The following PIBF1 variants were observed in gnomAD, a reference collection of about 807,000 sequenced individuals.
PIBF1 encodes the protein progesterone-induced-blocking factor 1.
A neutral mutation model predicts 112.5 loss-of-function variants in PIBF1; 90 were observed. The ratio of observed to expected loss-of-function variants is 0.80; its 90% confidence interval spans 0.67 to 0.95. The LOEUF is 0.95. Among genes scored for constraint, PIBF1 ranks in the 40% least tolerant of loss-of-function variants. The pLI is 0.00. For synonymous variants in PIBF1, 301 were observed against 288.6 expected (o/e 1.04, Z -0.44); for missense variants, 915 against 852.3 (o/e 1.07, Z -0.92).
chr13:72,986,676 CTTTTTTTTTTTT>C (rs765529786), intron 16 of PIBF1, among the ~76,000 whole-genome samples: 1 of 89,006 alleles, frequency 1.1e-5, no homozygotes. Context: ...TTTCTGTCAT[CTTTTTTTTTTTT>C]TTTTTTTTTT....
Position 72,954,297 on chromosome 13 carries a change from C to T in PIBF1, c.1834-10977C>T, listed in dbSNP as rs993663397. Reference sequence around the variant, plus strand: ...AAGCCTTCCTGCCAGCGATAGAAACCAGGCTTTCAGGCCATGCCCCTCCCT... The same window carrying T: ...AAGCCTTCCTGCCAGCGATAGAAACTAGGCTTTCAGGCCATGCCCCTCCCT... On this transcript the variant is annotated intron_variant, in intron 14 of 17. Coordinates refer to ENST00000326291, the MANE Select transcript of PIBF1 (RefSeq NM_006346.4). Among the ~76,000 whole-genome samples the T allele has an allele frequency of 7.2e-5, 11 of 152,242 alleles. 1 individual carries two copies. The highest frequency in any genetic ancestry group is 4.1e-4 in the South Asian group (2 of 4,834).
At chr13:72,816,929 A>T (rs2036302270) in intron 5 of PIBF1, among the ~76,000 whole-genome samples, 1 of 152,162 alleles carries the variant, frequency 6.6e-6, no homozygotes, top group Non-Finnish European at 1.5e-5. Context: ...ATTGTGGCTT[A>T]TAAAGGGACA....
Position 73,004,489 on chromosome 13 carries a change from C to CAA in PIBF1, c.2223+5508_2223+5509dup, listed in dbSNP as rs56073630. 9.5e-4 allele frequency among the ~76,000 whole-genome samples: 130 copies of CAA among 136,884 alleles called. 1 individual carries two copies. The highest frequency in any genetic ancestry group is 4.0e-3 in the Middle Eastern group (1 of 250). 89.8% of individuals were successfully genotyped at this position (136,884 alleles called of 152,430 possible). A position where few individuals can be genotyped will look rare whatever the true frequency, so the allele number is the denominator to read the frequency against. ...CTGTGTGAAGAGCGAGATTCTGTCT[C>CAA]AAAAAAAAAAAAAAAGAAAGAAAAG... is the stretch of plus-strand genomic sequence containing the variant. On this transcript the variant is annotated intron_variant, in intron 17 of 17. Transcript: ENST00000326291.
At chr13:72,967,883 T>C (rs1438379641) in intron 15 of PIBF1, among the ~76,000 whole-genome samples, 3 of 152,084 alleles carry the variant, frequency 2.0e-5, no homozygotes, top group African/African-American at 7.2e-5. Context: ...CTTTCTATAA[T>C]GATAAAAATA....
intron 17 of PIBF1, among the ~76,000 whole-genome samples, chr13:73,010,129 T>C (rs2044148743): frequency 6.6e-6 from 1 of 152,154 alleles, no homozygotes; most frequent in South Asian, 2.1e-4. Context: ...GGAGTCACAG[T>C]TGAGAAAACA....
intron 16 of PIBF1, among the ~76,000 whole-genome samples, chr13:72,990,467 G>C (rs2043439853): frequency 6.8e-6 from 1 of 147,706 alleles, no homozygotes; most frequent in African/African-American, 2.5e-5. Flanking sequence ...GTTGCAGTGA[G>C]CCAAGATCGT....
chr13:72,898,693 A>T (rs9543169), intron 11 of PIBF1, among the ~76,000 whole-genome samples: 15,565 of 150,720 alleles, frequency 0.1, 1,092 homozygotes, highest in Non-Finnish European at 0.15. Flanking sequence ...AAAAAAAAAA[A>T]AAAAATAAAG....
At chr13:72,967,268 C>T (rs568762305) in intron 15 of PIBF1, among the ~76,000 whole-genome samples, 8 of 152,108 alleles carry the variant, frequency 5.3e-5, no homozygotes, top group Non-Finnish European at 8.8e-5. Context: ...CTTATTTTAC[C>T]ATTATTTCTT....
chr13:72,956,328 C>T (rs1258743613), intron 14 of PIBF1, among the ~76,000 whole-genome samples: 1 of 152,054 alleles, frequency 6.6e-6, no homozygotes, highest in Non-Finnish European at 1.5e-5. Context: ...TTAGTACCCC[C>T]TTCAAAGTAT....
chr13:72,869,874 G>A (rs1381541560), intron 10 of PIBF1, among the ~76,000 whole-genome samples: 2 of 151,720 alleles, frequency 1.3e-5, no homozygotes, highest in African/African-American at 4.8e-5. Context: ...GACTTAAATG[G>A]CTCAAATATT....
chr13:72,821,876 T>G lies in PIBF1; in HGVS notation c.700T>G (p.Ser234Ala), dbSNP rs1467805388. 1.2e-6 allele frequency: 2 copies of G among 1,612,426 alleles called. No homozygotes were observed. The highest frequency in any genetic ancestry group is 3.3e-5 in the Admixed American group (2 of 59,834). ...ETYEEDRKNY[S>A]EVQIRCQRLA... Reference sequence around the variant, plus strand: ...ATATGAGGAAGATCGAAAAAACTACTCTGAAGTTCAAATTAGATGTCAACG... The same window carrying G: ...ATATGAGGAAGATCGAAAAAACTACGCTGAAGTTCAAATTAGATGTCAACG... Residue 234 changes from serine to alanine, a missense_variant, in exon 6 of 18, where the codon TCT becomes GCT. Physicochemically the swap from Ser to Ala is moderately conservative, Grantham distance 99. Coordinates refer to ENST00000326291, the MANE Select transcript of PIBF1 (RefSeq NM_006346.4).
rs570580318 is a variant in PIBF1, at chr13:72,994,427, G to A, written c.2050-4395G>A. On this transcript the variant is annotated intron_variant, in intron 16 of 17. Transcript: ENST00000326291. ...GTACAAATAGGAACCTAAATCAATG[G>A]CATGATTTTTGAGCAGTAGATACAG... is the stretch of plus-strand genomic sequence containing the variant. 2.5e-4 allele frequency among the ~76,000 whole-genome samples: 38 copies of A among 152,242 alleles called. 1 individual carries two copies. Among genetic ancestry groups the A allele is most frequent in the African/African-American group, 8.7e-4 (36 of 41,544 alleles).
chr13:72,904,588 A>C (rs1473820207), intron 11 of PIBF1, among the ~76,000 whole-genome samples: 1 of 150,904 alleles, frequency 6.6e-6, no homozygotes, highest in African/African-American at 2.4e-5. Flanking sequence ...CTACAGGCGC[A>C]CGCTACCACA....
chr13:72,803,673 A>G (rs1593923719), intron 5 of PIBF1, among the ~76,000 whole-genome samples: 1 of 152,350 alleles, frequency 6.6e-6, no homozygotes, highest in Non-Finnish European at 1.5e-5. Context: ...TTATGTCACA[A>G]AAAGTTGAGT....
intron 12 of PIBF1, among the ~76,000 whole-genome samples, chr13:72,911,563 C>CT (rs34158212): frequency 1.3e-5 from 2 of 151,988 alleles, no homozygotes; most frequent in Non-Finnish European, 2.9e-5. Context: ...TACATTAAGA[C>CT]TTTTTTTGAC....
chr13:72,966,634 C>T (rs2325494), intron 15 of PIBF1, among the ~76,000 whole-genome samples: 72,806 of 151,840 alleles, frequency 0.48, 18,616 homozygotes, highest in East Asian at 0.74. Context: ...TTTGGCCAGG[C>T]GCAGTGGCTC....
intron 5 of PIBF1, among the ~76,000 whole-genome samples, chr13:72,798,994 G>A (rs894180936): frequency 1.1e-4 from 16 of 152,164 alleles, no homozygotes; most frequent in African/African-American, 3.9e-4. Flanking sequence ...GCATGGTGCT[G>A]TGCTAGGTGC....
At chr13:72,879,461 T>C (rs748495008) in intron 10 of PIBF1, among the ~76,000 whole-genome samples, 10 of 152,196 alleles carry the variant, frequency 6.6e-5, no homozygotes, top group Non-Finnish European at 1.2e-4. Context: ...TAAACCCTTG[T>C]TGGATAGATC....
chr13:72,966,180 G>A (rs775069586), intron 15 of PIBF1, among the ~76,000 whole-genome samples: 1 of 149,616 alleles, frequency 6.7e-6, no homozygotes, highest in African/African-American at 2.4e-5. Context: ...AAACAATAAG[G>A]AGAAGATGGT....
Sources: allele counts gnomAD v4.1 joint callset (sites outside exome capture counted in the v4.1 genomes callset), GRCh38; gene constraint gnomAD v4.1.1; transcripts MANE v1.5; gene names NCBI Gene and HGNC (gene_info 2026-07-23, HGNC 2026-07-21).